The following LIG4 variants were observed in gnomAD, a reference collection of about 807,000 sequenced individuals.
LIG4 encodes the protein DNA ligase 4.
LIG4 carries 13 observed loss-of-function variants against 19.0 expected under a neutral mutation model. The ratio of observed to expected loss-of-function variants is 0.68; its 90% CI spans 0.44 to 1.09. The LOEUF (loss-of-function observed/expected upper bound fraction) is 1.09. Ranked by LOEUF, LIG4 falls within the 50% of genes least tolerant of loss-of-function variation. The pLI, the probability that LIG4 is intolerant of heterozygous loss-of-function variation, is 0.00. For synonymous variants in LIG4, 361 were observed against 358.2 expected, an observed-to-expected ratio of 1.01 and a Z score of -0.09; for missense variants, 1,026 against 1,089.7, an observed-to-expected ratio of 0.94 and a Z score of 0.82.
At chr13:108,212,815 C>T (rs530908510) in intron 2 of LIG4, among the ~76,000 whole-genome samples, 2 of 151,930 alleles carry the variant, frequency 1.3e-5, no homozygotes, top group African/African-American at 4.8e-5. Context: ...AATTTGTGCT[C>T]TAGTGGCAGA....
rs1315311529 is a variant in LIG4 at position 108,210,144 on chromosome 13, TTTA to T, written c.1122_1124del (p.Asn374del). 1.2e-6 allele frequency: 2 copies of T among 1,613,850 alleles called. No homozygotes were observed. The highest frequency in any genetic ancestry group is 1.1e-5 in the South Asian group (1 of 91,080). ...TTCTCAGAGTCTCATGCCCTAGCTT[TTTA>T]TTATTAACCATCAATACATCAAAAA... On this transcript the variant is annotated inframe_deletion, in exon 3 of 3. Coordinates refer to ENST00000442234, the MANE Select transcript of LIG4 (RefSeq NM_206937.2).
rs1421197602 is a variant in LIG4 at position 108,209,940 on chromosome 13, T to C, written c.1329A>G (p.Arg443=). 6.2e-7 allele frequency: 1 copy of C among 1,614,020 alleles called. No individual in the cohort carries two copies. Residue 443 remains arginine (R), a synonymous_variant, in exon 3 of 3, where the codon AGA becomes AGG. Coordinates refer to ENST00000442234, the MANE Select transcript of LIG4 (RefSeq NM_206937.2). ...GTTTAATTTTTAACCACCCTTCACC[T>C]CTTTTGTCTGGCTTGTAGATGGATA... ...QPLSIYKPDK[R]GEGWLKIKPE...
At position 108,208,813 on chromosome 13, in the gene LIG4, T is replaced by C. The variant is rs1205932394; in HGVS notation, c.2456A>G (p.Tyr819Cys). The C allele has an allele frequency of 1.9e-6, 3 of 1,614,088 alleles. No homozygotes were observed. The highest frequency in any genetic ancestry group is 2.5e-6 in the Non-Finnish European group (3 of 1,180,010). ...PLSMFRRHTV[Y>C]LDSYAVINDL... ...ATTAATAACAGCATACGAGTCCAAA[T>C]AAACGGTGTGGCGTCGAAACATACT... Residue 819 changes from tyrosine (Y) to cysteine (C), a missense_variant, in exon 3 of 3, where the codon TAT (tyrosine) becomes TGT (cysteine). Tyr to Cys is a radical substitution (Grantham distance 194, BLOSUM62 -2). This residue lies in a region of LIG4 where 521 missense variants were observed against 515.5 expected (regional missense o/e 1.01). Transcript: ENST00000442234.
At position 108,212,901 on chromosome 13, in the gene LIG4, G is replaced by A. The variant is rs564764756; in HGVS notation, c.-28-1605C>T. Among the ~76,000 whole-genome samples the A allele has an allele frequency of 3.3e-5, 5 of 152,088 alleles. No individual in the cohort carries two copies. In the South Asian group the frequency reaches 1.0e-3, roughly 32 times the overall value. Reference sequence around the variant, plus strand: ...GGATAAGCACACTAGGGAAAGCTATGGTCTGGTTACATACCACACACTCAC... The same window carrying A: ...GGATAAGCACACTAGGGAAAGCTATAGTCTGGTTACATACCACACACTCAC... On this transcript the variant is annotated intron_variant, in intron 2 of 2. Coordinates refer to ENST00000442234, the MANE Select transcript of LIG4 (RefSeq NM_206937.2).
chr13:108,216,220 A>C (rs1323561063), upstream of LIG4, among the ~76,000 whole-genome samples: 1 of 152,212 alleles, frequency 6.6e-6, no homozygotes, highest in African/African-American at 2.4e-5. Context: ...GATTATAAAC[A>C]ACCCCAGTTT....
At position 108,208,402 on chromosome 13, in the gene LIG4, T is replaced by C; in HGVS notation, c.*131A>G. 3.0e-6 allele frequency: 2 copies of C among 659,878 alleles called. No homozygotes were observed. The highest frequency in any genetic ancestry group is 5.2e-6 in the Non-Finnish European group (2 of 383,988). 40.9% of individuals were successfully genotyped at this position (659,878 alleles called of 1,614,324 possible). Reference sequence around the variant, plus strand: ...TTAAAAGTTAAAATTATTGTTTTCCTATATGTAATGATACTTTTTAGGCAT... The same window carrying C: ...TTAAAAGTTAAAATTATTGTTTTCCCATATGTAATGATACTTTTTAGGCAT... On this transcript the variant is annotated 3_prime_UTR_variant, in exon 3 of 3. Transcript: ENST00000442234.
Position 108,210,347 on chromosome 13 carries a change from C to T in LIG4, c.922G>A (p.Glu308Lys). 6.2e-7 allele frequency: 1 copy of T among 1,613,972 alleles called. No homozygotes were observed. Among genetic ancestry groups the T allele is most frequent in the Non-Finnish European group, 8.5e-7 (1 of 1,179,926 alleles). Residue 308 changes from glutamate to lysine, a missense_variant, in exon 3 of 3, where the codon GAA becomes AAA. Transcript: ENST00000442234. ...TGAATGAATGGGGTAAGAGAACCTTCAGTAGGAGAAGCACCAAACTGATCA... is the reference window on the plus strand; with the variant it reads ...TGAATGAATGGGGTAAGAGAACCTTTAGTAGGAGAAGCACCAAACTGATCA... ...YTDQFGASPT[E>K]GSLTPFIHNA...
chr13:108,208,440 T>C lies in LIG4; in HGVS notation c.*93A>G, dbSNP rs553852969. ...ACTTTTTAGGCATAGATTTTTAAGA[T>C]ACAAAAATAAAATGTAGTTTAGTAT... On this transcript the variant is annotated 3_prime_UTR_variant, in exon 3 of 3. Coordinates refer to ENST00000442234, the MANE Select transcript of LIG4 (RefSeq NM_206937.2). 5 of 785,552 alleles carry C rather than the reference T, an allele frequency of 6.4e-6. No homozygotes were observed. The Admixed American group carries it at 1.1e-4, about 17-fold the overall frequency. The allele number at this position is 785,552 out of a possible 1,614,324, so 48.7% of individuals were successfully genotyped here.
At chr13:108,214,125 G>A (rs1052488920) in intron 2 of LIG4, among the ~76,000 whole-genome samples, 1 of 152,154 alleles carries the variant, frequency 6.6e-6, no homozygotes, top group Non-Finnish European at 1.5e-5. Flanking sequence ...CAGTGACTAT[G>A]GAAGGTGATT....
At position 108,210,033 on chromosome 13, in the gene LIG4, A is replaced by T. The variant is rs755358293; in HGVS notation, c.1236T>A (p.Asn412Lys). Residue 412 changes from asparagine (N) to lysine (K), a missense_variant, in exon 3 of 3, where the codon AAT becomes AAA. By Grantham distance (94) the Asn-to-Lys change is moderately conservative. Around this residue, in one of 3 missense-constraint regions of LIG4, gnomAD observed 493 missense variants for 544.5 expected, o/e 0.91. Transcript: ENST00000442234. Reference protein sequence around the residue: ...IVQKTQAHTKNEVIDALNEAI... With the variant: ...IVQKTQAHTKKEVIDALNEAI... ...CTTCATTCAATGCATCAATTACTTC[A>T]TTCTTAGTATGAGCTTGTGTTTTCT... is the stretch of plus-strand genomic sequence containing the variant. 1.8e-5 allele frequency: 29 copies of T among 1,612,188 alleles called. No homozygotes were observed. In the Admixed American group the frequency reaches 4.8e-4, roughly 27 times the overall value.
Position 108,208,377 on chromosome 13 carries a change from T to G in LIG4, c.*156A>C, listed in dbSNP as rs930322513. The G allele has an allele frequency of 1.3e-5, 8 of 604,498 alleles. No individual in the cohort carries two copies. The African/African-American group carries it at 1.5e-4, about 11-fold the overall frequency. The allele number at this position is 604,498 out of a possible 1,614,324, so 37.4% of individuals were successfully genotyped here. On this transcript the variant is annotated 3_prime_UTR_variant, in exon 3 of 3. Coordinates refer to ENST00000442234, the MANE Select transcript of LIG4 (RefSeq NM_206937.2). ...GCTTTGGGCTATTGTCTTTTCAACCTTAAAAGTTAAAATTATTGTTTTCCT... is the reference window on the plus strand; with the variant it reads ...GCTTTGGGCTATTGTCTTTTCAACCGTAAAAGTTAAAATTATTGTTTTCCT...
chr13:108,215,176 C>T (rs1374018210), intron 1 of LIG4, among the ~76,000 whole-genome samples: 1 of 56,874 alleles, frequency 1.8e-5, no homozygotes, highest in Non-Finnish European at 3.5e-5. Context: ...CGCCTCCTGC[C>T]GCCACACACA....
In LIG4 at chr13:108,209,477, C is replaced by A; in HGVS notation, c.1792G>T (p.Asp598Tyr). The A allele has an allele frequency of 1.2e-6, 2 of 1,614,098 alleles. No individual in the cohort carries two copies. The highest frequency in any genetic ancestry group is 1.1e-5 in the South Asian group (1 of 91,066). Residue 598 changes from aspartate to tyrosine, a missense_variant, in exon 3 of 3, where the codon GAC becomes TAC. Asp to Tyr is a radical substitution (Grantham distance 160, BLOSUM62 -3). Around this residue, in one of 3 missense-constraint regions of LIG4, gnomAD observed 521 missense variants for 515.5 expected, o/e 1.01. Transcript: ENST00000442234. ...GCCTTCCCCCTAAGTTGTTCTAGGT[C>A]GTCCAGGGTCATGCACTCATGCCAC... is the stretch of plus-strand genomic sequence containing the variant. ...KEWHECMTLD[D>Y]LEQLRGKASG...
In LIG4 at chr13:108,211,081, G is replaced by A. The variant is rs1227438566; in HGVS notation, c.188C>T (p.Ser63Phe). Residue 63 changes from serine to phenylalanine, a missense_variant, in exon 3 of 3, where the codon TCT becomes TTT. Around this residue, in one of 3 missense-constraint regions of LIG4, gnomAD observed 493 missense variants for 544.5 expected, o/e 0.91. Transcript: ENST00000442234. ...LHKNHKDVTD[S>F]FYPAMRLILP... ...AATTAGTCTCATTGCTGGATAAAAA[G>A]AGTCTGTGACATCTTTGTGGTTCTT... 6.2e-7 allele frequency: 1 copy of A among 1,606,460 alleles called. No individual in the cohort carries two copies. Among genetic ancestry groups the A allele is most frequent in the Admixed American group, 1.7e-5 (1 of 59,172 alleles).
At chr13:108,212,108 T>C (rs1189353075) in intron 2 of LIG4, among the ~76,000 whole-genome samples, 1 of 151,128 alleles carries the variant, frequency 6.6e-6, no homozygotes, top group Admixed American at 6.6e-5. Flanking sequence ...TGACTACATA[T>C]GAGATGTGCT....
At position 108,210,709 on chromosome 13, in the gene LIG4, A is replaced by C. The variant is rs199854013; in HGVS notation, c.560T>G (p.Ile187Arg). 9 of 1,613,994 alleles carry C rather than the reference A, an allele frequency of 5.6e-6. No homozygotes were observed. The highest frequency in any genetic ancestry group is 7.6e-6 in the Non-Finnish European group (9 of 1,179,962). ...CTTTAAATCCTTTATGATCATCCGTATAAGCCACTTTTGCTCAAGTGCTGA... is the reference window on the plus strand; with the variant it reads ...CTTTAAATCCTTTATGATCATCCGTCTAAGCCACTTTTGCTCAAGTGCTGA... The part of the protein sequence containing the change: ...QSSALEQKWL[I>R]RMIIKDLKLG... Residue 187 changes from isoleucine to arginine, a missense_variant, in exon 3 of 3, where the codon ATA becomes AGA. By Grantham distance (97) the Ile-to-Arg change is moderately conservative (BLOSUM62 -3). Coordinates refer to ENST00000442234, the MANE Select transcript of LIG4 (RefSeq NM_206937.2).
At chr13:108,214,176 A>G (rs1878963171) in intron 2 of LIG4, among the ~76,000 whole-genome samples, 1 of 152,184 alleles carries the variant, frequency 6.6e-6, no homozygotes, top group Non-Finnish European at 1.5e-5. Flanking sequence ...AGAGGAAAAA[A>G]AGGAGTAAGT....
chr13:108,210,413 C>T lies in LIG4; in HGVS notation c.856G>A (p.Asp286Asn), dbSNP rs1878516885. ...GERMQMHKDG[D>N]VYKYFSRNGY... ...TTTCGAGAGAAGTATTTATATACAT[C>T]TCCATCTTTGTGCATTTGCATACGT... Residue 286 changes from aspartate to asparagine, a missense_variant, in exon 3 of 3, where the codon GAT becomes AAT. Physicochemically the swap from Asp to Asn is conservative, Grantham distance 23. This residue lies in a region of LIG4 where 493 missense variants were observed against 544.5 expected (regional missense o/e 0.91). Coordinates refer to ENST00000442234, the MANE Select transcript of LIG4 (RefSeq NM_206937.2). 1.9e-5 allele frequency: 30 copies of T among 1,613,582 alleles called. No homozygotes were observed. The highest frequency in any genetic ancestry group is 2.5e-5 in the Non-Finnish European group (30 of 1,179,890).
In LIG4 at chr13:108,209,885, A is replaced by G. The variant is rs1430843373; in HGVS notation, c.1384T>C (p.Leu462=). The change falls in exon 3 of 3, where the codon TTG becomes CTG. Residue 462 remains leucine (L), a synonymous_variant. Coordinates refer to ENST00000442234, the MANE Select transcript of LIG4 (RefSeq NM_206937.2). ...TATCCTCCAACAATTAAAATGTCCA[A>G]TTCATCCATTAGTCCACTGACATAC... ...PEYVSGLMDE[L]DILIVGGYWG... is the part of the protein sequence containing the mutation. 6.2e-7 allele frequency: 1 copy of G among 1,614,032 alleles called. No individual in the cohort carries two copies. Among genetic ancestry groups the G allele is most frequent in the Non-Finnish European group, 8.5e-7 (1 of 1,180,036 alleles).
Sources: gnomAD v4.1 joint callset for allele counts (sites outside exome capture counted in the v4.1 genomes callset) on GRCh38, gnomAD v4.1.1 for gene constraint, gnomAD v4.1.1 regional missense constraint, MANE v1.5 for transcripts, NCBI Gene and HGNC (gene_info 2026-07-23, HGNC 2026-07-21) for gene names.